The following GPC6 variants were observed in gnomAD, a reference collection of about 807,000 sequenced individuals.
GPC6 encodes glypican-6.
In GPC6, 14 loss-of-function variants were observed where a neutral mutation model predicts 55.2. The observed-to-expected ratio is 0.25, with a 90% CI of 0.17 to 0.40. The LOEUF (loss-of-function observed/expected upper bound fraction) is 0.40, where lower values mean the gene tolerates loss of function less well. Ranked by LOEUF, GPC6 falls within the 10% of genes least tolerant of loss-of-function variation. The pLI is 1.00. For synonymous variants in GPC6, 278 were observed against 259.6 expected, an observed-to-expected ratio of 1.07 and a Z score of -0.68; for missense variants, 641 against 708.5, an observed-to-expected ratio of 0.90 and a Z score of 1.08.
chr13:94,161,619 T>C (rs1052294066), intron 4 of GPC6, among the ~76,000 whole-genome samples: 6 of 152,294 alleles, frequency 3.9e-5, no homozygotes, highest in African/African-American at 1.2e-4. Context: ...TGAAGTCTTA[T>C]GCAGCAGACA....
At chr13:93,842,147 A>G (rs1355759294) in intron 3 of GPC6, among the ~76,000 whole-genome samples, 1 of 152,188 alleles carries the variant, frequency 6.6e-6, no homozygotes, top group Non-Finnish European at 1.5e-5. Context: ...ATTTAGTAAG[A>G]AGTACACAAT....
intron 2 of GPC6, among the ~76,000 whole-genome samples, chr13:93,755,893 A>T (rs78666184): frequency 0.025 from 3,878 of 152,282 alleles, 151 homozygotes; most frequent in African/African-American, 0.086. Context: ...AATCTAGAAG[A>T]ATTTCACTTT....
intron 1 of GPC6, among the ~76,000 whole-genome samples, chr13:93,426,334 C>T (rs1007568139): frequency 2.0e-5 from 3 of 151,764 alleles, no homozygotes; most frequent in South Asian, 2.1e-4. Context: ...GTGCTGCACC[C>T]ATTAACTCGT....
intron 4 of GPC6, among the ~76,000 whole-genome samples, chr13:94,215,293 A>G (rs913438550): frequency 6.6e-6 from 1 of 152,134 alleles, no homozygotes; most frequent in Non-Finnish European, 1.5e-5. Context: ...AACATCACCA[A>G]TCAGTTCTAC....
At chr13:94,180,267 T>C (rs1888943294) in intron 4 of GPC6, among the ~76,000 whole-genome samples, 1 of 152,218 alleles carries the variant, frequency 6.6e-6, no homozygotes, top group Admixed American at 6.5e-5. Context: ...CATCTGATGC[T>C]AAACTGTACG....
the GPC6 span, among the ~76,000 whole-genome samples, chr13:93,217,384 G>C: frequency 3.9e-5 from 6 of 152,156 alleles, no homozygotes; most frequent in Non-Finnish European, 7.4e-5. Context: ...ATCTAAATTT[G>C]GTTGTAATTT....
chr13:94,389,013 C>T (rs1342945358), intron 7 of GPC6, among the ~76,000 whole-genome samples: 1 of 152,158 alleles, frequency 6.6e-6, no homozygotes, highest in Admixed American at 6.5e-5. Context: ...GAAAGACAGC[C>T]TAGTCGTCTT....
chr13:93,237,345 A>G (rs9523969), intron 1 of GPC6, among the ~76,000 whole-genome samples: 39,053 of 151,554 alleles, frequency 0.26, 5,112 homozygotes, highest in African/African-American at 0.32. Flanking sequence ...TTTTTTTCAC[A>G]TTTTTGCCCA....
At chr13:93,494,992 A>G (rs1231343619) in intron 1 of GPC6, among the ~76,000 whole-genome samples, 1 of 135,332 alleles carries the variant, frequency 7.4e-6, no homozygotes, top group African/African-American at 2.8e-5. Flanking sequence ...GAATCTGACA[A>G]TTATGTGTCT....
intron 2 of GPC6, among the ~76,000 whole-genome samples, chr13:93,553,504 C>G (rs892070884): frequency 6.7e-6 from 1 of 150,282 alleles, no homozygotes; most frequent in Non-Finnish European, 1.5e-5. Context: ...CAGCCTGGCC[C>G]GCATGGTGAA....
At chr13:93,867,180 A>G (rs1273990328) in intron 3 of GPC6, among the ~76,000 whole-genome samples, 1 of 151,734 alleles carries the variant, frequency 6.6e-6, no homozygotes, top group Non-Finnish European at 1.5e-5. Flanking sequence ...AAGGTTGCTT[A>G]TATTATGGTG....
intron 4 of GPC6, among the ~76,000 whole-genome samples, chr13:94,041,733 A>ATATAAG (rs1262756072): frequency 4.0e-5 from 6 of 151,882 alleles, no homozygotes; most frequent in African/African-American, 1.2e-4. Context: ...ATTAAACTTG[A>ATATAAG]CATATAAGCT....
At chr13:94,254,612 G>C (rs1292832545) in intron 4 of GPC6, among the ~76,000 whole-genome samples, 1 of 152,004 alleles carries the variant, frequency 6.6e-6, no homozygotes, top group Non-Finnish European at 1.5e-5. Flanking sequence ...GAATGATTGG[G>C]AGTAACGGAA....
intron 1 of GPC6, among the ~76,000 whole-genome samples, chr13:93,414,287 C>T (rs1366218846): frequency 6.6e-6 from 1 of 152,134 alleles, no homozygotes; most frequent in Non-Finnish European, 1.5e-5. Flanking sequence ...AGCTAAGATG[C>T]TTCATTCTCC....
rs1367841604 is a variant in GPC6, at chr13:93,697,647, A to G, written c.320-132507A>G. On this transcript the variant is annotated intron_variant, in intron 2 of 8. Coordinates refer to ENST00000377047, the MANE Select transcript of GPC6 (RefSeq NM_005708.5). Reference sequence around the variant, plus strand: ...GTTCTGTACTGTCAATTAACCGTCCATTACTTTGTCCATACGTTAGTTCCA... The same window carrying G: ...GTTCTGTACTGTCAATTAACCGTCCGTTACTTTGTCCATACGTTAGTTCCA... 2.0e-5 allele frequency among the ~76,000 whole-genome samples: 3 copies of G among 152,170 alleles called. No homozygotes were observed. In the East Asian group the frequency reaches 5.8e-4, roughly 29 times the overall value.
intron 4 of GPC6, among the ~76,000 whole-genome samples, chr13:94,104,031 TCTTTAATCC>T (rs1885964984): frequency 6.6e-6 from 1 of 152,234 alleles, no homozygotes; most frequent in East Asian, 1.9e-4. Flanking sequence ...AACAGTTAAG[TCTTTAATCC>T]ATCTTGAATT....
chr13:93,397,081 T>G (rs936985660), intron 1 of GPC6, among the ~76,000 whole-genome samples: 1 of 152,210 alleles, frequency 6.6e-6, no homozygotes, highest in Non-Finnish European at 1.5e-5. Flanking sequence ...GATAAACATT[T>G]ATACTTATAT....
chr13:94,365,188 T>C (rs1879235310), intron 6 of GPC6, among the ~76,000 whole-genome samples: 1 of 152,174 alleles, frequency 6.6e-6, no homozygotes, highest in Non-Finnish European at 1.5e-5. Context: ...TGTGAGCACA[T>C]ATTCTGGGGA....
intron 7 of GPC6, among the ~76,000 whole-genome samples, chr13:94,395,936 A>C (rs1337008997): frequency 6.6e-6 from 1 of 152,202 alleles, no homozygotes; most frequent in African/African-American, 2.4e-5. Flanking sequence ...CTTGCCCACC[A>C]GCTTCCAGTT....
Sources: allele counts gnomAD v4.1 joint callset (sites outside exome capture counted in the v4.1 genomes callset), GRCh38; gene constraint gnomAD v4.1.1; transcripts MANE v1.5; gene names NCBI Gene and HGNC (gene_info 2026-07-23, HGNC 2026-07-21).